Variants in CTNNA3 observed in about 807,000 individuals in gnomAD.
The protein encoded by CTNNA3 is catenin alpha-3.
CTNNA3 carries 76 observed loss-of-function variants against 95.7 expected under a neutral mutation model. That is an observed-to-expected ratio of 0.79 (90% CI 0.66 to 0.96). The LOEUF (loss-of-function observed/expected upper bound fraction) is 0.96. CTNNA3 is among the 40% of genes least tolerant of loss of function. The pLI is 0.00. For synonymous variants in CTNNA3, 431 were observed against 374.4 expected, an observed-to-expected ratio of 1.15 and a Z score of -1.74; for missense variants, 1,191 against 1,089.8, an observed-to-expected ratio of 1.09 and a Z score of -1.31.
At chr10:66,769,721 G>A (rs1443610429) in intron 8 of CTNNA3, among the ~76,000 whole-genome samples, 1 of 152,154 alleles carries the variant, frequency 6.6e-6, no homozygotes, top group Non-Finnish European at 1.5e-5. Flanking sequence ...AACCTATGCG[G>A]ATAGAAACTA....
chr10:67,121,470 T>C (rs954184258), intron 7 of CTNNA3, among the ~76,000 whole-genome samples: 1 of 152,064 alleles, frequency 6.6e-6, no homozygotes, highest in Non-Finnish European at 1.5e-5. Flanking sequence ...TTAGCCTCTA[T>C]ATACCTCCTC....
chr10:66,288,905 A>C (rs751732734), intron 12 of CTNNA3, among the ~76,000 whole-genome samples: 9 of 152,060 alleles, frequency 5.9e-5, no homozygotes, highest in Admixed American at 2.0e-4. Flanking sequence ...CTAATGATAC[A>C]ATTCTTAGCT....
chr10:67,624,335 T>C (rs1380169002), intron 2 of CTNNA3, among the ~76,000 whole-genome samples: 1 of 152,134 alleles, frequency 6.6e-6, no homozygotes, highest in African/African-American at 2.4e-5. Flanking sequence ...TTGTCAAAAA[T>C]CATGCTCTGC....
intron 1 of CTNNA3, among the ~76,000 whole-genome samples, chr10:67,732,413 T>A (rs1427745338): frequency 6.6e-6 from 1 of 152,226 alleles, no homozygotes; most frequent in Non-Finnish European, 1.5e-5. Context: ...AAAATCATAA[T>A]GTTTACAACC....
chr10:67,009,509 T>C (rs1852194553), intron 7 of CTNNA3, among the ~76,000 whole-genome samples: 1 of 152,114 alleles, frequency 6.6e-6, no homozygotes, highest in Non-Finnish European at 1.5e-5. Flanking sequence ...TTCTCATAGA[T>C]ATTTTTTCAG....
chr10:66,025,431 G>A (rs2079314583), intron 15 of CTNNA3, among the ~76,000 whole-genome samples: 1 of 152,140 alleles, frequency 6.6e-6, no homozygotes, highest in African/African-American at 2.4e-5. Context: ...AAACACCCAT[G>A]GGTCAAGTCA....
chr10:66,532,992 G>A (rs1003063087), intron 10 of CTNNA3, among the ~76,000 whole-genome samples: 2 of 151,916 alleles, frequency 1.3e-5, no homozygotes, highest in Admixed American at 6.6e-5. Flanking sequence ...CACTCTACAC[G>A]ATCATTATCT....
rs200005091 is a variant in CTNNA3 at position 67,043,132 on chromosome 10, TTTC to T, written c.1047+137182_1047+137184del. On this transcript the variant is annotated intron_variant, in intron 7 of 17. Transcript: ENST00000433211. ...ATTTCATGCCTCAAGGCTCACTTTC[TTTC>T]TTTTTTTTTTTTTTTTTCTGTGCAA... is the stretch of plus-strand genomic sequence containing the variant. 5.6e-3 allele frequency among the ~76,000 whole-genome samples: 302 copies of T among 53,596 alleles called. 10 individuals are homozygous for T. Among genetic ancestry groups the T allele is most frequent in the African/African-American group, 8.3e-3 (194 of 23,276 alleles). The allele number at this position is 53,596 out of a possible 152,430, so 35.2% of individuals were successfully genotyped here.
chr10:66,332,827 G>A (rs2092347429), intron 12 of CTNNA3, among the ~76,000 whole-genome samples: 1 of 152,006 alleles, frequency 6.6e-6, no homozygotes, highest in Non-Finnish European at 1.5e-5. Flanking sequence ...TGTACCTCTG[G>A]TAGAATTCGG....
rs190018026 is a variant in CTNNA3 at position 65,983,983 on chromosome 10, A to G, written c.2265+4709T>C. Among the ~76,000 whole-genome samples the G allele has an allele frequency of 2.5e-3, 373 of 151,496 alleles. 3 individuals carry two copies. The highest frequency in any genetic ancestry group is 8.5e-3 in the African/African-American group (353 of 41,490). ...GTGAACTTTAACTCTGAAACTTTAC[A>G]GAATGTAACTAAATTGGTCTAATAA... On this transcript the variant is annotated intron_variant, in intron 16 of 17. Transcript: ENST00000433211.
chr10:66,388,904 G>A (rs1018787987), intron 11 of CTNNA3, among the ~76,000 whole-genome samples: 1 of 152,032 alleles, frequency 6.6e-6, no homozygotes, highest in African/African-American at 2.4e-5. Flanking sequence ...AACATAGAAT[G>A]CCCGAAAAAG....
intron 9 of CTNNA3, among the ~76,000 whole-genome samples, chr10:66,734,114 A>G (rs939553015): frequency 3.3e-5 from 5 of 151,438 alleles, no homozygotes; most frequent in African/African-American, 1.2e-4. Flanking sequence ...TTTCCATGGT[A>G]TTTGTCTCAA....
At chr10:66,959,808 CT>C (rs1175996024) in intron 7 of CTNNA3, among the ~76,000 whole-genome samples, 3 of 152,114 alleles carry the variant, frequency 2.0e-5, no homozygotes, top group Admixed American at 2.0e-4. Flanking sequence ...GAGTAAGAAA[CT>C]TTGCTGACAC....
chr10:67,066,418 C>G (rs1272431585), intron 7 of CTNNA3, among the ~76,000 whole-genome samples: 1 of 151,694 alleles, frequency 6.6e-6, no homozygotes, highest in Non-Finnish European at 1.5e-5. Context: ...ATCTCGATCT[C>G]TTGACCTCGT....
At chr10:67,606,787 C>T in intron 3 of CTNNA3, 70 bp downstream of exon 3, 1 of 1,259,970 alleles carries the variant, frequency 7.9e-7, no homozygotes, top group Non-Finnish European at 1.1e-6. Context: ...AAAACACTCA[C>T]AAATCTAATT....
chr10:67,482,511 A>G (rs937742865), intron 5 of CTNNA3, among the ~76,000 whole-genome samples: 12 of 152,142 alleles, frequency 7.9e-5, no homozygotes, highest in African/African-American at 2.9e-4. Context: ...CTTTGAAGCA[A>G]TTGTGAATGG....
At chr10:66,770,642 A>G (rs1267486367) in intron 8 of CTNNA3, among the ~76,000 whole-genome samples, 1 of 152,076 alleles carries the variant, frequency 6.6e-6, no homozygotes, top group Non-Finnish European at 1.5e-5. Flanking sequence ...TATCACTACA[A>G]TTGAAGCCCA....
chr10:66,604,298 G>T (rs1365088077), intron 10 of CTNNA3, among the ~76,000 whole-genome samples: 1 of 152,128 alleles, frequency 6.6e-6, no homozygotes, highest in Admixed American at 6.5e-5. Flanking sequence ...TAATCCCCAT[G>T]CTAACACCAC....
intron 17 of CTNNA3, among the ~76,000 whole-genome samples, chr10:65,965,558 C>T (rs2077946175): frequency 6.6e-6 from 1 of 151,904 alleles, no homozygotes; most frequent in Admixed American, 6.6e-5. Flanking sequence ...GCATGCGCCA[C>T]CACACCCAGC....
Sources: allele counts gnomAD v4.1 joint callset (sites outside exome capture counted in the v4.1 genomes callset), GRCh38; gene constraint gnomAD v4.1.1; transcripts MANE v1.5; gene names NCBI Gene and HGNC (gene_info 2026-07-23, HGNC 2026-07-21).